MRPS18A: variants seen among roughly 807,000 people sequenced by gnomAD.
The protein encoded by MRPS18A is large ribosomal subunit protein mL66.
In MRPS18A, 20 loss-of-function variants were observed where a neutral mutation model predicts 22.7. The ratio of observed to expected loss-of-function variants is 0.88; its 90% CI spans 0.62 to 1.28. MRPS18A has a LOEUF of 1.28. MRPS18A is among the 50% of genes most tolerant of loss of function. The probability of loss-of-function intolerance (pLI) is 0.00; values close to 1 mark genes in which losing one functional copy is unlikely to be tolerated. For missense variants in MRPS18A, 294 were observed against 262.6 expected, an observed-to-expected ratio of 1.12 and a Z score of -0.83; for synonymous variants, 106 against 99.1, an observed-to-expected ratio of 1.07 and a Z score of -0.41.
intron 5 of MRPS18A, among the ~76,000 whole-genome samples, chr6:43,672,986 CTT>C (rs530348186): frequency 1.4e-4 from 18 of 127,140 alleles, no homozygotes; most frequent in East Asian, 1.2e-3. Flanking sequence ...ATAGGGACTG[CTT>C]TTTTTTTTTT....
At chr6:43,687,372 G>A (rs1774769061) in intron 1 of MRPS18A, among the ~76,000 whole-genome samples, 1 of 152,218 alleles carries the variant, frequency 6.6e-6, no homozygotes, top group African/African-American at 2.4e-5. Flanking sequence ...GAATTAACAT[G>A]CAAACCCTTT....
chr6:43,675,096 T>G, intron 5 of MRPS18A, 106 bp downstream of exon 5: 2 of 977,030 alleles, frequency 2.0e-6, no homozygotes, highest in Non-Finnish European at 1.5e-6. Flanking sequence ...GGTGGACTGA[T>G]GGGGGTGGAT....
intron 2 of MRPS18A, among the ~76,000 whole-genome samples, chr6:43,679,635 AGT>A (rs1311580633): frequency 3.9e-5 from 6 of 151,990 alleles, no homozygotes; most frequent in Admixed American, 3.9e-4. Flanking sequence ...GGGTTATGAG[AGT>A]GAGGCTGGGA....
At chr6:43,675,409 C>G (rs777299772) in intron 4 of MRPS18A, 85 bp downstream of exon 4, 143 of 1,609,714 alleles carry the variant, frequency 8.9e-5, no homozygotes, top group Non-Finnish European at 1.1e-4. Flanking sequence ...CACTTTTCTT[C>G]CAGGAGGGGC....
At chr6:43,672,085 G>T in intron 5 of MRPS18A, 179 bp from the exon 6 acceptor site, 2 of 742,592 alleles carry the variant, frequency 2.7e-6, no homozygotes, top group Non-Finnish European at 2.1e-6. Context: ...CCTGTAAACA[G>T]ATGGGCTGGG....
intron 1 of MRPS18A, among the ~76,000 whole-genome samples, chr6:43,683,902 C>T (rs1774547238): frequency 6.6e-6 from 1 of 152,078 alleles, no homozygotes; most frequent in South Asian, 2.1e-4. Flanking sequence ...GTAAAGAGGT[C>T]CTTTGAGTAC....
At chr6:43,678,246 C>T (rs941625751) in intron 3 of MRPS18A, among the ~76,000 whole-genome samples, 4 of 152,148 alleles carry the variant, frequency 2.6e-5, no homozygotes, top group African/African-American at 9.7e-5. Context: ...GGTGATGGGT[C>T]TTCTTCAGAG....
intron 3 of MRPS18A, 67 bp from the exon 4 acceptor site, chr6:43,675,684 C>T: frequency 6.5e-7 from 1 of 1,538,274 alleles, no homozygotes; most frequent in South Asian, 1.2e-5. Context: ...GAAGCTAGGG[C>T]TTCATGGTCT....
chr6:43,673,980 C>T lies in MRPS18A; in HGVS notation c.446+1222G>A, dbSNP rs1031995943. Among the ~76,000 whole-genome samples, 1 of 152,202 alleles carries T rather than the reference C, an allele frequency of 6.6e-6. No individual in the cohort carries two copies. Among genetic ancestry groups the T allele is most frequent in the Non-Finnish European group, 1.5e-5 (1 of 67,996 alleles). ...GGCCTGCTGCTGTCTCTTAAAAAGC[C>T]AGAGGGGGTGGGCTCAACCCCCAAA... On this transcript the variant is annotated intron_variant, in intron 5 of 5. Transcript: ENST00000372133. The surrounding 1 kb of genome is among the most constrained non-coding windows in gnomAD (Gnocchi z 4.2).
chr6:43,678,702 A>C, intron 2 of MRPS18A, 77 bp from the exon 3 acceptor site: 3 of 1,003,916 alleles, frequency 3.0e-6, no homozygotes, highest in Non-Finnish European at 3.1e-6. Flanking sequence ...CAAACCCCAA[A>C]ATGATGGTAA....
At chr6:43,672,343 C>A (rs1000628468) in intron 5 of MRPS18A, 1 of 472,704 alleles carries the variant, frequency 2.1e-6, no homozygotes. Flanking sequence ...AGGGAACTCC[C>A]CAGGGTACTA....
At chr6:43,677,211 G>A (rs1204408290) in intron 3 of MRPS18A, among the ~76,000 whole-genome samples, 1 of 152,120 alleles carries the variant, frequency 6.6e-6, no homozygotes, top group Non-Finnish European at 1.5e-5. Context: ...CATGGTGAGC[G>A]GCTGGGAACA....
intron 5 of MRPS18A, chr6:43,672,324 C>G (rs776094418): frequency 2.2e-5 from 10 of 463,584 alleles, no homozygotes; most frequent in South Asian, 1.6e-4. Flanking sequence ...CTCAGCTACC[C>G]CAACCTTCAG....
At chr6:43,680,291 C>T (rs1774325800) in intron 2 of MRPS18A, among the ~76,000 whole-genome samples, 1 of 152,016 alleles carries the variant, frequency 6.6e-6, no homozygotes, top group Non-Finnish European at 1.5e-5. Flanking sequence ...AGTGGAAAGG[C>T]AGAGGGAGCA....
chr6:43,671,536 G>C lies in MRPS18A; in HGVS notation c.*226C>G. ...TGAGCATGGCCTAAGCCCCATAGCA[G>C]CTGGCAAGGGACCCAACTGCCCTGC... On this transcript the variant is annotated 3_prime_UTR_variant, in exon 6 of 6. Coordinates refer to ENST00000372133, the MANE Select transcript of MRPS18A (RefSeq NM_018135.4). The C allele has an allele frequency of 1.7e-6, 1 of 585,792 alleles. No homozygotes were observed. Among genetic ancestry groups the C allele is most frequent in the Non-Finnish European group, 3.0e-6 (1 of 330,372 alleles). The allele number at this position is 585,792 out of a possible 1,614,324, so 36.3% of individuals were successfully genotyped here.
chr6:43,681,410 G>C (rs756106292), intron 1 of MRPS18A, among the ~76,000 whole-genome samples: 1 of 152,210 alleles, frequency 6.6e-6, no homozygotes, highest in Non-Finnish European at 1.5e-5. Context: ...GATTTATCTT[G>C]GTTCTATCCA....
Position 43,675,267 on chromosome 6 carries a change from T to A in MRPS18A, c.381A>T (p.Leu127=), listed in dbSNP as rs202096992. 3.9e-6 allele frequency: 6 copies of A among 1,531,850 alleles called. No individual in the cohort carries two copies. The South Asian group carries it at 7.8e-5, about 20-fold the overall frequency. 94.9% of individuals were successfully genotyped at this position (1,531,850 alleles called of 1,614,324 possible). ...ECVKMAHRAG[L]LPNHRPRLPE... is the part of the protein sequence containing the mutation. ...GAAGCCGAGGCCTGTGATTTGGTAA[T>A]AGACCTGAGTGGCGGGGAAGAGGGG... Residue 127 remains leucine (L), a synonymous_variant, in exon 5 of 6, where the codon CTA becomes CTT. Coordinates refer to ENST00000372133, the MANE Select transcript of MRPS18A (RefSeq NM_018135.4).
At chr6:43,680,029 A>G (rs1009743581) in intron 2 of MRPS18A, among the ~76,000 whole-genome samples, 15 of 152,168 alleles carry the variant, frequency 9.9e-5, no homozygotes, top group Non-Finnish European at 1.5e-5. Flanking sequence ...CCATGCCGCT[A>G]AAGGCATGGA....
chr6:43,681,033 G>A, intron 2 of MRPS18A, 56 bp downstream of exon 2: 1 of 1,577,060 alleles, frequency 6.3e-7, no homozygotes, highest in South Asian at 1.1e-5. Context: ...CAGAGGAGCG[G>A]CCAGGCAGCT....
Sources: allele counts gnomAD v4.1 joint callset (sites outside exome capture counted in the v4.1 genomes callset), GRCh38; gene constraint gnomAD v4.1.1; non-coding constraint Gnocchi (gnomAD v3.1); transcripts MANE v1.5; gene names NCBI Gene and HGNC (gene_info 2026-07-23, HGNC 2026-07-21).